SBF2: variants seen among roughly 807,000 people sequenced by gnomAD.
SBF2 encodes myotubularin-related protein 13.
Under a neutral mutation model 225.2 loss-of-function variants are expected in SBF2, and 112 were observed. The ratio of observed to expected loss-of-function variants is 0.50; its 90% CI spans 0.43 to 0.58. The LOEUF (loss-of-function observed/expected upper bound fraction) is 0.58. Ranked by LOEUF, SBF2 falls within the 20% of genes least tolerant of loss-of-function variation. SBF2 has a pLI of 0.00. For synonymous variants in SBF2, 763 were observed against 773.3 expected, an observed-to-expected ratio of 0.99 and a Z score of 0.22; for missense variants, 1,996 against 2,206.2, an observed-to-expected ratio of 0.90 and a Z score of 1.91.
intron 3 of SBF2, among the ~76,000 whole-genome samples, 194 bp from the exon 4 acceptor site, chr11:10,031,364 G>A (rs926913194): frequency 6.6e-6 from 1 of 152,080 alleles, no homozygotes; most frequent in African/African-American, 2.4e-5. Flanking sequence ...TTATGAAGCC[G>A]GGAATACTTA....
chr11:10,160,643 T>C (rs1462265044), intron 2 of SBF2, among the ~76,000 whole-genome samples: 1 of 152,214 alleles, frequency 6.6e-6, no homozygotes, highest in Non-Finnish European at 1.5e-5. Flanking sequence ...AAAACTGTGC[T>C]TCCTTTTTCA....
At chr11:10,068,837 C>G (rs1950734546) in intron 2 of SBF2, among the ~76,000 whole-genome samples, 1 of 152,088 alleles carries the variant, frequency 6.6e-6, no homozygotes, top group Non-Finnish European at 1.5e-5. Flanking sequence ...AAAATACATA[C>G]TGATTATTTT....
chr11:9,846,092 C>A (rs951210539), intron 23 of SBF2, among the ~76,000 whole-genome samples: 3 of 152,246 alleles, frequency 2.0e-5, no homozygotes, highest in African/African-American at 7.2e-5. Flanking sequence ...TACCCAGATA[C>A]AACAAATGTA....
At chr11:10,188,913 G>A (rs1269345191) in intron 2 of SBF2, among the ~76,000 whole-genome samples, 2 of 152,140 alleles carry the variant, frequency 1.3e-5, no homozygotes, top group African/African-American at 4.8e-5. Context: ...TGTTTTAAAA[G>A]CCAGGTCTTC....
chr11:9,792,767 T>A (rs932303781), intron 33 of SBF2, among the ~76,000 whole-genome samples: 4 of 147,594 alleles, frequency 2.7e-5, no homozygotes, highest in African/African-American at 9.9e-5. Context: ...TGTTGTTGTT[T>A]TTGAGACAGG....
At position 9,842,673 on chromosome 11, in the gene SBF2, C is replaced by G; in HGVS notation, c.3208G>C (p.Glu1070Gln). The G allele has an allele frequency of 6.2e-7, 1 of 1,614,100 alleles. No homozygotes were observed. Among genetic ancestry groups the G allele is most frequent in the Non-Finnish European group, 8.5e-7 (1 of 1,179,960 alleles). The stretch of plus-strand genomic sequence containing the variant: ...CATCCAGGACGATTTACTCTTTCTT[C>G]CACAATTGTCCCTGTCTTCTTCTTC... Reference protein sequence around the residue: ...LLKKKTGTIVEERVNRPGWNE... With the variant: ...LLKKKTGTIVQERVNRPGWNE... Residue 1070 changes from glutamate (E) to glutamine (Q), a missense_variant, in exon 25 of 40, where the codon GAA (glutamate) becomes CAA (glutamine). By Grantham distance (29) the Glu-to-Gln change is conservative. Coordinates refer to ENST00000256190, the MANE Select transcript of SBF2 (RefSeq NM_030962.4).
At chr11:10,069,788 C>T (rs781009764) in intron 2 of SBF2, among the ~76,000 whole-genome samples, 1 of 152,174 alleles carries the variant, frequency 6.6e-6, no homozygotes, top group Non-Finnish European at 1.5e-5. Context: ...AGTGTAAAAG[C>T]ATTCCTATTT....
At chr11:10,230,790 G>A (rs1350344772) in intron 1 of SBF2, among the ~76,000 whole-genome samples, 1 of 152,048 alleles carries the variant, frequency 6.6e-6, no homozygotes, top group African/African-American at 2.4e-5. Context: ...TATGTATCTT[G>A]GAGTTGCTCT....
At chr11:10,211,872 C>A (rs367958234) in intron 1 of SBF2, among the ~76,000 whole-genome samples, 1 of 152,160 alleles carries the variant, frequency 6.6e-6, no homozygotes, top group Non-Finnish European at 1.5e-5. Context: ...CTAGCAAGTG[C>A]CTGTTTCTAC....
intron 2 of SBF2, among the ~76,000 whole-genome samples, chr11:10,154,430 A>G (rs1280261812): frequency 1.3e-5 from 2 of 152,010 alleles, no homozygotes; most frequent in South Asian, 2.1e-4. Context: ...ACAATACTCA[A>G]TGTGTTGCTA....
chr11:9,785,863 A>G (rs1852337823), intron 36 of SBF2, among the ~76,000 whole-genome samples: 1 of 90,148 alleles, frequency 1.1e-5, no homozygotes, highest in Non-Finnish European at 2.5e-5. Flanking sequence ...AAAAAAATAA[A>G]GATGTTGATG....
intron 1 of SBF2, among the ~76,000 whole-genome samples, chr11:10,286,291 T>C (rs974704996): frequency 6.6e-6 from 1 of 152,060 alleles, no homozygotes; most frequent in Admixed American, 6.5e-5. Context: ...ACCATAAATA[T>C]ATATGATTTT....
intron 2 of SBF2, among the ~76,000 whole-genome samples, chr11:10,150,226 G>C (rs1365468433): frequency 6.6e-6 from 1 of 151,896 alleles, no homozygotes; most frequent in Non-Finnish European, 1.5e-5. Flanking sequence ...AAGTCCATAG[G>C]TTCATTTAGT....
rs538961208 is a variant in SBF2 at position 9,916,598 on chromosome 11, C to CTTT, written c.1861-20590_1861-20588dup. 1.7e-4 allele frequency among the ~76,000 whole-genome samples: 24 copies of CTTT among 138,760 alleles called. 2 individuals carry two copies. Among genetic ancestry groups the CTTT allele is most frequent in the African/African-American group, 2.1e-4 (8 of 37,488 alleles). 91.0% of individuals were successfully genotyped at this position (138,760 alleles called of 152,430 possible). ...AACTTACATCTTTTTCTTTCTTTTCCTTTTTTTTCTTTTTTTTGAGACAGG... is the reference window on the plus strand; with the variant it reads ...AACTTACATCTTTTTCTTTCTTTTCCTTTTTTTTTTTCTTTTTTTTGAGACAGG... On this transcript the variant is annotated intron_variant, in intron 16 of 39. Transcript: ENST00000256190.
rs1851910516 is a variant in SBF2 at position 9,779,977 on chromosome 11, A to G, written c.*441T>C. 2 of 252,796 alleles carry G rather than the reference A, an allele frequency of 7.9e-6. No homozygotes were observed. The highest frequency in any genetic ancestry group is 1.6e-5 in the Non-Finnish European group (2 of 127,274). 15.7% of individuals were successfully genotyped at this position (252,796 alleles called of 1,614,324 possible). A position where few individuals can be genotyped will look rare whatever the true frequency, so the allele number is the denominator to read the frequency against. On this transcript the variant is annotated 3_prime_UTR_variant, in exon 40 of 40. Coordinates refer to ENST00000256190, the MANE Select transcript of SBF2 (RefSeq NM_030962.4). The stretch of plus-strand genomic sequence containing the variant: ...TACAAGTAGATGTCTCTCATAGGAA[A>G]CCTAGTCCAGGTAGAATATGAGACA...
chr11:9,995,412 A>G (rs189038788), intron 9 of SBF2, among the ~76,000 whole-genome samples: 65 of 152,334 alleles, frequency 4.3e-4, no homozygotes, highest in African/African-American at 1.5e-3. Flanking sequence ...TAAAGGCAAC[A>G]CTAAAATATT....
chr11:10,169,717 T>C (rs1260228399), intron 2 of SBF2, among the ~76,000 whole-genome samples: 1 of 152,198 alleles, frequency 6.6e-6, no homozygotes, highest in African/African-American at 2.4e-5. Context: ...TGCTAGATCA[T>C]ATGGTAGCTC....
At chr11:10,051,783 C>T (rs1313032327) in intron 2 of SBF2, among the ~76,000 whole-genome samples, 1 of 151,924 alleles carries the variant, frequency 6.6e-6, no homozygotes, top group African/African-American at 2.4e-5. Context: ...TGACCCTAAC[C>T]TGCAGTTAAA....
chr11:9,967,522 GAAGACAGA>G (rs1867002064), intron 14 of SBF2, among the ~76,000 whole-genome samples: 1 of 152,186 alleles, frequency 6.6e-6, no homozygotes, highest in African/African-American at 2.4e-5. Context: ...GTAAAGCTAT[GAAGACAGA>G]AAGTAGATTA....
Sources: allele counts gnomAD v4.1 joint callset (sites outside exome capture counted in the v4.1 genomes callset), GRCh38; gene constraint gnomAD v4.1.1; transcripts MANE v1.5; gene names NCBI Gene and HGNC (gene_info 2026-07-23, HGNC 2026-07-21).